WDPCP: variants seen among roughly 807,000 people sequenced by gnomAD.
WDPCP encodes the protein WD repeat-containing and planar cell polarity effector protein fritz homolog.
A neutral mutation model predicts 93.1 loss-of-function variants in WDPCP; 71 were observed. That is an observed-to-expected ratio of 0.76 (90% CI 0.63 to 0.93). The LOEUF is 0.93. WDPCP is among the 40% of genes least tolerant of loss of function. The pLI is 0.00. For missense variants in WDPCP, 844 were observed against 887.4 expected, an observed-to-expected ratio of 0.95 and a Z score of 0.62; for synonymous variants, 315 against 315.0, an observed-to-expected ratio of 1.00 and a Z score of 0.00.
At chr2:63,236,513 T>C (rs1679406187) in intron 14 of WDPCP, among the ~76,000 whole-genome samples, 1 of 152,128 alleles carries the variant, frequency 6.6e-6, no homozygotes, top group South Asian at 2.1e-4. Flanking sequence ...AGAGGCTGAA[T>C]AGCCATAGCA....
intron 2 of WDPCP, among the ~76,000 whole-genome samples, chr2:63,707,032 C>T (rs916970242): frequency 1.3e-5 from 2 of 152,036 alleles, no homozygotes; most frequent in Non-Finnish European, 1.5e-5. Flanking sequence ...GTGGGTAACC[C>T]GACCTTTCTT....
chr2:63,672,686 G>A lies in WDPCP; in HGVS notation n.309-21848C>T, dbSNP rs546182679. Among the ~76,000 whole-genome samples the A allele has an allele frequency of 2.0e-5, 3 of 150,206 alleles. No individual in the cohort carries two copies. The South Asian group carries it at 6.3e-4, about 32-fold the overall frequency. ...ACTCTGTTGTCCAGGCTGGAGGGCA[G>A]TAGCATTATCCTGGCTCACTGAAGC... On this transcript the variant is annotated intron_variant and non_coding_transcript_variant, in intron 2 of 4. Transcript: ENST00000467687.
intron 2 of WDPCP, among the ~76,000 whole-genome samples, chr2:63,679,554 G>C (rs1710464048): frequency 6.6e-6 from 1 of 152,102 alleles, no homozygotes; most frequent in Admixed American, 6.5e-5. Flanking sequence ...ATTTGGGAGA[G>C]CATTCCATTC....
chr2:63,378,222 A>C (rs1692013309), intron 12 of WDPCP, 164 bp downstream of exon 12: 1 of 957,066 alleles, frequency 1.0e-6, no homozygotes, highest in South Asian at 1.7e-5. Flanking sequence ...CCTTAAAATG[A>C]AAACAATAAC....
chr2:63,202,738 T>C (rs1298138805), intron 14 of WDPCP, among the ~76,000 whole-genome samples: 1 of 152,142 alleles, frequency 6.6e-6, no homozygotes. Context: ...CTGAATTATA[T>C]ACCTTTCTCA....
intron 1 of WDPCP, among the ~76,000 whole-genome samples, chr2:63,510,156 G>T (rs1454175298): frequency 8.5e-5 from 13 of 152,132 alleles, no homozygotes. Context: ...CAATATCTCT[G>T]ATGAACATCA....
At chr2:63,154,907 A>G (rs1672131561) in intron 15 of WDPCP, among the ~76,000 whole-genome samples, 1 of 152,182 alleles carries the variant, frequency 6.6e-6, no homozygotes, top group South Asian at 2.1e-4. Flanking sequence ...ATAGCTCATG[A>G]TATTAAATTT....
At chr2:63,232,759 G>A (rs1407326780) in intron 14 of WDPCP, 2 of 153,510 alleles carry the variant, frequency 1.3e-5, no homozygotes, top group East Asian at 1.9e-4. Flanking sequence ...CATCCAATAT[G>A]TTTGGAATAT....
At chr2:63,839,680 G>A in the WDPCP span, among the ~76,000 whole-genome samples, 2 of 152,214 alleles carry the variant, frequency 1.3e-5, no homozygotes, top group Non-Finnish European at 2.9e-5. Context: ...TGGTACTAAT[G>A]CTCATTGGTA....
chr2:63,724,906 G>A (rs969189885), intron 2 of WDPCP, among the ~76,000 whole-genome samples: 2 of 152,142 alleles, frequency 1.3e-5, no homozygotes, highest in African/African-American at 4.8e-5. Context: ...ACTCATATTT[G>A]CTTCTTGAAT....
chr2:63,579,768 G>A (rs1339714888), intron 1 of WDPCP, among the ~76,000 whole-genome samples: 2 of 54,810 alleles, frequency 3.6e-5, no homozygotes, highest in Non-Finnish European at 5.8e-5. Flanking sequence ...TAGATACACA[G>A]ATAGACAGAC....
chr2:63,485,273 T>C (rs1320157569), intron 4 of WDPCP, among the ~76,000 whole-genome samples: 1 of 151,532 alleles, frequency 6.6e-6, no homozygotes, highest in African/African-American at 2.4e-5. Context: ...TCATGGTAAA[T>C]GATGTAGTCT....
chr2:63,414,874 G>A (rs934778977), intron 9 of WDPCP, among the ~76,000 whole-genome samples: 17 of 151,980 alleles, frequency 1.1e-4, no homozygotes, highest in African/African-American at 4.1e-4. Context: ...TAAGTTATGG[G>A]AAAATAATAA....
chr2:63,717,112 A>T (rs1479644057), intron 2 of WDPCP: 5 of 339,418 alleles, frequency 1.5e-5, no homozygotes, highest in African/African-American at 1.1e-4. Context: ...TATATTCTGG[A>T]GTTCACCTGC....
intron 2 of WDPCP, among the ~76,000 whole-genome samples, chr2:63,788,553 A>G (rs1670501489): frequency 6.6e-6 from 1 of 152,218 alleles, no homozygotes. Context: ...AATGCTAAAT[A>G]CATACTTAGT....
chr2:63,158,220 G>C (rs1044886601), intron 15 of WDPCP, among the ~76,000 whole-genome samples: 5 of 151,990 alleles, frequency 3.3e-5, no homozygotes, highest in Non-Finnish European at 7.4e-5. Context: ...TATGACCCAG[G>C]ATATGGTCTG....
chr2:63,177,236 T>C lies in WDPCP; in HGVS notation c.1916-2404A>G, dbSNP rs552161967. Among the ~76,000 whole-genome samples, 6 of 152,352 alleles carry C rather than the reference T, an allele frequency of 3.9e-5. No homozygotes were observed. In the South Asian group the frequency reaches 1.2e-3, roughly 32 times the overall value. On this transcript the variant is annotated intron_variant, in intron 14 of 17. Coordinates refer to ENST00000272321, the MANE Select transcript of WDPCP (RefSeq NM_015910.7). ...TGTTCTGGCTATTCAGCATCTCTTG[T>C]GATTCCATATGAATTTTTAAATGGA...
intron 6 of WDPCP, among the ~76,000 whole-genome samples, chr2:63,474,483 G>A (rs1164899272): frequency 6.6e-6 from 1 of 152,044 alleles, no homozygotes; most frequent in Non-Finnish European, 1.5e-5. Context: ...ACTCTGACCA[G>A]TGATTTATGA....
intron 12 of WDPCP, among the ~76,000 whole-genome samples, chr2:63,368,321 T>TAATTTATTTA (rs34253494): frequency 1.4e-5 from 2 of 145,758 alleles, no homozygotes; most frequent in Non-Finnish European, 3.0e-5. Context: ...TTTATTTATT[T>TAATTTATTTA]ATTTATTTAT....
Sources: allele counts gnomAD v4.1 joint callset (sites outside exome capture counted in the v4.1 genomes callset), GRCh38; gene constraint gnomAD v4.1.1; transcripts MANE v1.5; gene names NCBI Gene and HGNC (gene_info 2026-07-23, HGNC 2026-07-21).